SEPTIN11: variants seen among roughly 807,000 people sequenced by gnomAD.
SEPTIN11 encodes the protein septin 11, also known as septin-11.
In SEPTIN11, 25 loss-of-function variants were observed where a neutral mutation model predicts 51.4. The observed-to-expected ratio is 0.49, with a 90% CI of 0.35 to 0.68. The LOEUF is 0.68. SEPTIN11 is among the 30% of genes least tolerant of loss of function. The pLI is 0.00. For missense variants in SEPTIN11, 381 were observed against 520.8 expected (o/e 0.73, Z 2.61); for synonymous variants, 174 against 184.1 (o/e 0.95, Z 0.44).
chr4:76,965,680 A>G (rs765968889), intron 1 of SEPTIN11, among the ~76,000 whole-genome samples: 1 of 152,186 alleles, frequency 6.6e-6, no homozygotes, highest in African/African-American at 2.4e-5. Flanking sequence ...GCTTGCACCA[A>G]TGATATTTAA....
At chr4:77,014,825 T>C (rs201863979) in intron 4 of SEPTIN11, 31 bp from the exon 5 acceptor site, 69 of 1,606,236 alleles carry the variant, frequency 4.3e-5, no homozygotes, top group Non-Finnish European at 5.4e-5. Flanking sequence ...TATGTTGGAA[T>C]TGTGTAAAAA....
downstream of SEPTIN11, chr4:77,039,339 T>C (rs372515838): frequency 4.5e-4 from 491 of 1,092,296 alleles, 6 homozygotes; most frequent in South Asian, 0.011. Context: ...AAAAAGGAAA[T>C]TGACTGAAAC....
chr4:77,032,249 C>A (rs1355915150), intron 9 of SEPTIN11: 2 of 152,130 alleles, frequency 1.3e-5, no homozygotes, highest in African/African-American at 4.8e-5. Flanking sequence ...AGGGAGGAGG[C>A]AAATGTTCTG....
intron 9 of SEPTIN11, chr4:77,031,755 GCACGATGGTAAGAATAC>G (rs1332087456): frequency 6.6e-6 from 1 of 152,200 alleles, no homozygotes; most frequent in African/African-American, 2.4e-5. Flanking sequence ...TTGACAGGAA[GCACGATGGTAAGAATAC>G]CACTAACGAA....
intron 1 of SEPTIN11, among the ~76,000 whole-genome samples, chr4:76,986,268 G>GA (rs1396779324): frequency 2.6e-5 from 4 of 151,914 alleles, no homozygotes; most frequent in Non-Finnish European, 4.4e-5. Flanking sequence ...TATTTGGCGT[G>GA]AAAAAAATAG....
At chr4:76,998,034 G>C (rs1723853072) in intron 2 of SEPTIN11, among the ~76,000 whole-genome samples, 1 of 151,962 alleles carries the variant, frequency 6.6e-6, no homozygotes, top group African/African-American at 2.4e-5. Flanking sequence ...TGCTGGCTGA[G>C]GGGCTGACTC....
chr4:76,976,417 G>A (rs568017836), intron 1 of SEPTIN11, among the ~76,000 whole-genome samples: 74 of 152,174 alleles, frequency 4.9e-4, no homozygotes, highest in Non-Finnish European at 9.6e-4. Context: ...TGGGACTAGA[G>A]TGATGAGATT....
At chr4:76,962,896 G>A (rs546556925) in intron 1 of SEPTIN11, among the ~76,000 whole-genome samples, 196 of 152,212 alleles carry the variant, frequency 1.3e-3, no homozygotes, top group Non-Finnish European at 1.9e-3. Context: ...CAATCTGTCC[G>A]GGAAGGAGAA....
chr4:76,950,741 C>T (rs1326143756), intron 1 of SEPTIN11, among the ~76,000 whole-genome samples: 1 of 152,106 alleles, frequency 6.6e-6, no homozygotes, highest in African/African-American at 2.4e-5. Context: ...AGACTCGGTC[C>T]GCGCCCCGGG....
intron 9 of SEPTIN11, chr4:77,031,721 A>C (rs780654903): frequency 2.0e-5 from 3 of 152,328 alleles, no homozygotes; most frequent in Admixed American, 6.5e-5. Context: ...CATAAAGCCT[A>C]GTTTTATGTC....
At chr4:76,970,922 T>G (rs1215025385) in intron 1 of SEPTIN11, among the ~76,000 whole-genome samples, 5 of 152,214 alleles carry the variant, frequency 3.3e-5, no homozygotes, top group Non-Finnish European at 1.5e-5. Flanking sequence ...GCTTATTTGC[T>G]TCCAGAAAAC....
intron 1 of SEPTIN11, among the ~76,000 whole-genome samples, chr4:76,957,788 C>A (rs937171972): frequency 5.3e-5 from 8 of 152,072 alleles, no homozygotes; most frequent in African/African-American, 1.7e-4. Flanking sequence ...GAAGCCTCCA[C>A]CCATGAATCA....
rs2109970912 is a variant in SEPTIN11 at position 77,020,643 on chromosome 4, A to G, written c.926A>G (p.Asp309Gly). ...RCKLEEMGFK[D>G]TDPDSKPFSL... ...AAGCTTGAAGAGATGGGGTTCAAGG[A>G]CACTGACCCTGACAGCAAACCCTTC... The change falls in exon 7 of 10, where the codon GAC becomes GGC. Residue 309 changes from aspartate (D) to glycine (G), a missense_variant. By Grantham distance (94) the Asp-to-Gly change is moderately conservative (BLOSUM62 -1). Coordinates refer to ENST00000264893, the MANE Select transcript of SEPTIN11 (RefSeq NM_018243.4). 1 of 1,614,128 alleles carries G rather than the reference A, an allele frequency of 6.2e-7. No homozygotes were observed. Among genetic ancestry groups the G allele is most frequent in the East Asian group, 2.2e-5 (1 of 44,868 alleles).
At chr4:76,952,434 A>G (rs1721389468) in intron 1 of SEPTIN11, among the ~76,000 whole-genome samples, 1 of 152,214 alleles carries the variant, frequency 6.6e-6, no homozygotes. Context: ...CTGAAGAAAA[A>G]TGCAATCTGA....
rs1320371246 is a variant in SEPTIN11, at chr4:77,034,999, A to G, written c.*487A>G. ...CTCCACACTTGTCCTAAGCCAAGGTAGATTTGTACGTAGACAGACTGGTGA... is the reference window on the plus strand; with the variant it reads ...CTCCACACTTGTCCTAAGCCAAGGTGGATTTGTACGTAGACAGACTGGTGA... On this transcript the variant is annotated 3_prime_UTR_variant, in exon 10 of 10. Coordinates refer to ENST00000264893, the MANE Select transcript of SEPTIN11 (RefSeq NM_018243.4). 1 of 986,172 alleles carries G rather than the reference A, an allele frequency of 1.0e-6. No homozygotes were observed. Among genetic ancestry groups the G allele is most frequent in the South Asian group, 4.7e-5 (1 of 21,298 alleles). 61.1% of individuals were successfully genotyped at this position (986,172 alleles called of 1,614,324 possible). A position where few individuals can be genotyped will look rare whatever the true frequency, so the allele number is the denominator to read the frequency against.
chr4:77,038,971 A>T, downstream of SEPTIN11: 1 of 753,780 alleles, frequency 1.3e-6, no homozygotes, highest in Non-Finnish European at 2.0e-6. Flanking sequence ...TAACTGACAC[A>T]CTGCTGTTCT....
At chr4:76,950,620 G>A (rs1431349745) in intron 1 of SEPTIN11, among the ~76,000 whole-genome samples, 2 of 152,156 alleles carry the variant, frequency 1.3e-5, no homozygotes, top group Non-Finnish European at 2.9e-5. Context: ...AGGAAGGGCG[G>A]GCGGGTGCGT....
intron 2 of SEPTIN11, among the ~76,000 whole-genome samples, chr4:77,001,894 T>C (rs1210381094): frequency 6.6e-6 from 1 of 152,192 alleles, no homozygotes; most frequent in African/African-American, 2.4e-5. Flanking sequence ...ATCCCAGTGC[T>C]TCAGGAGGCC....
intron 1 of SEPTIN11, among the ~76,000 whole-genome samples, chr4:76,978,907 C>G (rs1184124105): frequency 6.6e-6 from 1 of 152,092 alleles, no homozygotes; most frequent in Non-Finnish European, 1.5e-5. Flanking sequence ...CTCCATTTTC[C>G]AAGGGCCCTC....
Sources: gnomAD v4.1 joint callset for allele counts (sites outside exome capture counted in the v4.1 genomes callset) on GRCh38, gnomAD v4.1.1 for gene constraint, MANE v1.5 for transcripts, NCBI Gene and HGNC (gene_info 2026-07-23, HGNC 2026-07-21) for gene names.